The following DNAH10 variants were observed in gnomAD, a reference collection of about 807,000 sequenced individuals.
DNAH10 encodes axonemal beta dynein heavy chain 10.
A neutral mutation model predicts 506.6 loss-of-function variants in DNAH10; 348 were observed. That is an observed-to-expected ratio of 0.69 (90% CI 0.63 to 0.75). DNAH10 has a LOEUF of 0.75. DNAH10 is among the 30% of genes least tolerant of loss of function. The probability of loss-of-function intolerance (pLI) is 0.00; values close to 1 mark genes in which losing one functional copy is unlikely to be tolerated. For synonymous variants in DNAH10, 2,059 were observed against 2,198.6 expected, an observed-to-expected ratio of 0.94 and a Z score of 1.78; for missense variants, 5,179 against 5,787.1, an observed-to-expected ratio of 0.89 and a Z score of 3.41.
intron 46 of DNAH10, among the ~76,000 whole-genome samples, chr12:123,874,145 A>C (rs1488128970): frequency 6.6e-6 from 1 of 152,186 alleles, no homozygotes; most frequent in Non-Finnish European, 1.5e-5. Context: ...CTGGGATCTG[A>C]GCCTGAGAAG....
intron 24 of DNAH10, among the ~76,000 whole-genome samples, chr12:123,825,225 C>A (rs910214460): frequency 6.7e-6 from 1 of 148,814 alleles, no homozygotes; most frequent in African/African-American, 2.5e-5. Flanking sequence ...CTGGTGACTG[C>A]AACAAGAAAA....
At position 123,873,627 on chromosome 12, in the gene DNAH10, G is replaced by A. The variant is rs376987663; in HGVS notation, c.7855G>A (p.Val2619Met). The change falls in exon 46 of 79, where the codon GTG becomes ATG. Residue 2619 changes from valine (V) to methionine (M), a missense_variant. By Grantham distance (21) the Val-to-Met change is conservative. Around this residue, in one of 3 missense-constraint regions of DNAH10, gnomAD observed 4,844 missense variants for 5,430.5 expected, o/e 0.89. Transcript: ENST00000673944. ...MDIQRNLEAN[V>M]EKRTKDTYGP... ...TATCCAAAGAAATTTAGAAGCAAAT[G>A]TGGAAAAGCGAACCAAAGATACTTA... The A allele has an allele frequency of 1.4e-5, 23 of 1,613,820 alleles. No homozygotes were observed. The highest frequency in any genetic ancestry group is 2.2e-5 in the South Asian group (2 of 91,072).
At chr12:123,935,246 C>T (rs1955440106) in intron 78 of DNAH10, 89 bp from the exon 79 acceptor site, 1 of 1,512,528 alleles carries the variant, frequency 6.6e-7, no homozygotes, top group African/African-American at 1.4e-5. Context: ...CACAGGGGCC[C>T]CTGCCTGTCA....
Position 123,928,852 on chromosome 12 carries a change from C to G in DNAH10, c.12306+265C>G. On this transcript the variant is annotated intron_variant, in intron 70 of 78. Coordinates refer to ENST00000673944, the MANE Select transcript of DNAH10 (RefSeq NM_001372106.1). The surrounding 1 kb of genome is among the most constrained non-coding windows in gnomAD (Gnocchi z 4.9). ...TATCTACGCTACTTTTCATAAACTTCACGGCCCCCCCCCCCACACACAGCC... is the reference window on the plus strand; with the variant it reads ...TATCTACGCTACTTTTCATAAACTTGACGGCCCCCCCCCCCACACACAGCC... 2.0e-6 allele frequency: 1 copy of G among 509,532 alleles called. No homozygotes were observed. The highest frequency in any genetic ancestry group is 3.3e-6 in the Non-Finnish European group (1 of 298,894). 31.6% of individuals were successfully genotyped at this position (509,532 alleles called of 1,614,324 possible).
In DNAH10 at chr12:123,853,608, T is replaced by A. The variant is rs756098986; in HGVS notation, c.6438+256T>A. ...ATTTATGATGCTTCCATAGTAATAA[T>A]CTGTAGTCTCAGGATGGGTGTGGCG... On this transcript the variant is annotated intron_variant, in intron 36 of 78. Transcript: ENST00000673944. This position sits in a 1 kb window ranked among gnomAD's most constrained non-coding sequence, Gnocchi z 4.7. Among the ~76,000 whole-genome samples, 14 of 152,138 alleles carry A rather than the reference T, an allele frequency of 9.2e-5. No individual in the cohort carries two copies. Among genetic ancestry groups the A allele is most frequent in the Non-Finnish European group, 1.9e-4 (13 of 68,034 alleles).
chr12:123,867,627 A>G (rs1367433777), intron 42 of DNAH10, 26 bp downstream of exon 42: 7 of 1,611,118 alleles, frequency 4.3e-6, no homozygotes, highest in Middle Eastern at 1.6e-4. Flanking sequence ...TGCTGTTAGC[A>G]AAAAGAAATT....
At chr12:123,816,704 G>A (rs1959155342) in intron 21 of DNAH10, among the ~76,000 whole-genome samples, 1 of 152,220 alleles carries the variant, frequency 6.6e-6, no homozygotes, top group African/African-American at 2.4e-5. Context: ...AGCCAGGTTG[G>A]ACAGAAGTCT....
chr12:123,913,047 G>C lies in DNAH10; in HGVS notation c.10135-51G>C. 1 of 1,538,758 alleles carries C rather than the reference G, an allele frequency of 6.5e-7. No homozygotes were observed. The highest frequency in any genetic ancestry group is 8.8e-7 in the Non-Finnish European group (1 of 1,135,850). On this transcript the variant is annotated intron_variant, in intron 59 of 78. Coordinates refer to ENST00000673944, the MANE Select transcript of DNAH10 (RefSeq NM_001372106.1). The surrounding 1 kb of genome is among the most constrained non-coding windows in gnomAD (Gnocchi z 5.1). ...GCCTGGTTTGAGGCCATGGGATCGC[G>C]GCCCCACCACGGTCCTTTTCCCCAT...
chr12:123,839,977 T>C (rs569351401), intron 29 of DNAH10, among the ~76,000 whole-genome samples: 6 of 152,300 alleles, frequency 3.9e-5, no homozygotes, highest in African/African-American at 1.4e-4. Flanking sequence ...TTTGGCCTGC[T>C]AATCAAAGCT....
chr12:123,857,669 A>G (rs956142010), intron 37 of DNAH10, among the ~76,000 whole-genome samples: 1 of 152,254 alleles, frequency 6.6e-6, no homozygotes, highest in Admixed American at 6.5e-5. Context: ...TGGAGGTTGC[A>G]GTGAGCCAAG....
rs535438694 is a variant in DNAH10, at chr12:123,868,671, T to C, written c.7519+552T>C. 3.3e-5 allele frequency among the ~76,000 whole-genome samples: 5 copies of C among 152,364 alleles called. No homozygotes were observed. In the East Asian group the frequency reaches 9.6e-4, roughly 29 times the overall value. Reference sequence around the variant, plus strand: ...TGCATTCTCCAAGGTCTATATGCAATGGTAGGACCCTTCTTTATCCATCTC... The same window carrying C: ...TGCATTCTCCAAGGTCTATATGCAACGGTAGGACCCTTCTTTATCCATCTC... On this transcript the variant is annotated intron_variant, in intron 43 of 78. Transcript: ENST00000673944.
At chr12:123,799,176 A>T (rs1958390604) in intron 13 of DNAH10, 70 bp from the exon 14 acceptor site, 1 of 1,084,590 alleles carries the variant, frequency 9.2e-7, no homozygotes, top group South Asian at 2.9e-5. Flanking sequence ...TGTATAAATT[A>T]TCTGTGTAGA....
chr12:123,906,078 C>T (rs1472338864), intron 57 of DNAH10, among the ~76,000 whole-genome samples: 7 of 151,486 alleles, frequency 4.6e-5, no homozygotes, highest in Non-Finnish European at 8.8e-5. Context: ...TCCAGACGCC[C>T]GCCACGACGC....
Position 123,931,679 on chromosome 12 carries a change from A to G in DNAH10, c.12960A>G (p.Gln4320=), listed in dbSNP as rs748406734. ...SGISRDDYIG[Q]VAKEIENKMP... is the part of the protein sequence containing the mutation. Reference sequence around the variant, plus strand: ...TCAGCCGCGATGATTATATTGGCCAAGTGGCCAAAGAAATAGAAAACAAGA... The same window carrying G: ...TCAGCCGCGATGATTATATTGGCCAGGTGGCCAAAGAAATAGAAAACAAGA... The change falls in exon 75 of 79, where the codon CAA becomes CAG. Residue 4320 remains glutamine, a synonymous_variant. Coordinates refer to ENST00000673944, the MANE Select transcript of DNAH10 (RefSeq NM_001372106.1). The G allele has an allele frequency of 1.1e-5, 17 of 1,613,918 alleles. No individual in the cohort carries two copies. The highest frequency in any genetic ancestry group is 2.2e-5 in the East Asian group (1 of 44,890).
rs911875766 is a variant in DNAH10, at chr12:123,909,030, G to T, written c.9816-231G>T. On this transcript the variant is annotated intron_variant, in intron 57 of 78. Coordinates refer to ENST00000673944, the MANE Select transcript of DNAH10 (RefSeq NM_001372106.1). The surrounding 1 kb of genome is among the most constrained non-coding windows in gnomAD (Gnocchi z 5.4). The stretch of plus-strand genomic sequence containing the variant: ...GGGTTTGTATTTTAATGCTGCCCCC[G>T]CACCATTCCAGGCGCCTGGTCTGGA... 6.6e-6 allele frequency among the ~76,000 whole-genome samples: 1 copy of T among 152,156 alleles called. No individual in the cohort carries two copies. Among genetic ancestry groups the T allele is most frequent in the Non-Finnish European group, 1.5e-5 (1 of 68,036 alleles).
chr12:123,877,796 T>C lies in DNAH10; in HGVS notation c.8260T>C (p.Tyr2754His), dbSNP rs777895410. 5 of 1,614,036 alleles carry C rather than the reference T, an allele frequency of 3.1e-6. No individual in the cohort carries two copies. Among genetic ancestry groups the C allele is most frequent in the Middle Eastern group, 1.6e-4 (1 of 6,062 alleles). The change falls in exon 48 of 79, where the codon TAC (tyrosine) becomes CAC (histidine). Residue 2754 changes from tyrosine (Y) to histidine (H), a missense_variant. Coordinates refer to ENST00000673944, the MANE Select transcript of DNAH10 (RefSeq NM_001372106.1). ...GKLTFCTLALYKNIVQDLPPT... is the reference protein window; with the variant it reads ...GKLTFCTLALHKNIVQDLPPT... ...GCTGACATTCTGCACGCTAGCACTTTACAAAAATATTGTGCAAGACCTACC... is the reference window on the plus strand; with the variant it reads ...GCTGACATTCTGCACGCTAGCACTTCACAAAAATATTGTGCAAGACCTACC...
chr12:123,832,926 A>G (rs1159018561), intron 26 of DNAH10, among the ~76,000 whole-genome samples, 188 bp from the exon 27 acceptor site: 1 of 152,200 alleles, frequency 6.6e-6, no homozygotes, highest in Non-Finnish European at 1.5e-5. Context: ...TGACATGCTT[A>G]CCTGCCACAT....
chr12:123,862,573 T>C lies in DNAH10; in HGVS notation c.6908+1403T>C, dbSNP rs910265976. 2.6e-5 allele frequency among the ~76,000 whole-genome samples: 4 copies of C among 152,108 alleles called. No homozygotes were observed. In the East Asian group the frequency reaches 5.8e-4, roughly 22 times the overall value. On this transcript the variant is annotated intron_variant, in intron 39 of 78. Coordinates refer to ENST00000673944, the MANE Select transcript of DNAH10 (RefSeq NM_001372106.1). ...CCCAGCTAATTTTTGCTTTTTTTTG[T>C]AGAGACAGAGTCTCCCTGTACTGCC...
In DNAH10 at chr12:123,838,592, G is replaced by A; in HGVS notation, c.5039G>A (p.Arg1680Lys). The A allele has an allele frequency of 1.9e-6, 3 of 1,614,060 alleles. No individual in the cohort carries two copies. The highest frequency in any genetic ancestry group is 1.3e-5 in the African/African-American group (1 of 75,052). Residue 1680 changes from arginine to lysine, a missense_variant, in exon 29 of 79, where the codon AGA (arginine) becomes AAA (lysine). By Grantham distance (26) the Arg-to-Lys change is conservative. This residue lies in a region of DNAH10 where 4,844 missense variants were observed against 5,430.5 expected (regional missense o/e 0.89). Coordinates refer to ENST00000673944, the MANE Select transcript of DNAH10 (RefSeq NM_001372106.1). The part of the protein sequence containing the change: ...KSLNDYLDSK[R>K]NAFPRFFFIS... ...CTCAACGACTACTTAGATTCGAAGA[G>A]AAATGCTTTCCCAAGGTTCTTCTTC... is the stretch of plus-strand genomic sequence containing the variant.
Sources: gnomAD v4.1 joint callset for allele counts (sites outside exome capture counted in the v4.1 genomes callset) on GRCh38, gnomAD v4.1.1 for gene constraint, gnomAD v4.1.1 regional missense constraint, Gnocchi (gnomAD v3.1) non-coding constraint, MANE v1.5 for transcripts, NCBI Gene and HGNC (gene_info 2026-07-23, HGNC 2026-07-21) for gene names.